Variants in SNX24 observed in about 807,000 individuals in gnomAD.
SNX24 encodes sorting nexin 24, also known as sorting nexin-24.
Under a neutral mutation model 28.7 loss-of-function variants are expected in SNX24, and 22 were observed. The ratio of observed to expected loss-of-function variants is 0.77; its 90% confidence interval spans 0.55 to 1.10. The LOEUF is 1.10. Ranked by LOEUF, SNX24 falls within the 50% of genes least tolerant of loss-of-function variation. The pLI, the probability that SNX24 is intolerant of heterozygous loss-of-function variation, is 0.00. For missense variants in SNX24, 221 were observed against 201.1 expected (o/e 1.10, Z -0.60); for synonymous variants, 69 against 71.5 (o/e 0.96, Z 0.18).
intron 5 of SNX24, among the ~76,000 whole-genome samples, chr5:123,001,654 G>A (rs1762250938): frequency 6.6e-6 from 1 of 152,144 alleles, no homozygotes; most frequent in Non-Finnish European, 1.5e-5. Context: ...TAATCAGAAT[G>A]TTTTATCAAC....
rs368462498 is a variant in SNX24 at position 122,985,665 on chromosome 5, A to G, written c.250-14247A>G. On this transcript the variant is annotated intron_variant, in intron 3 of 6. Coordinates refer to ENST00000261369, the MANE Select transcript of SNX24 (RefSeq NM_014035.4). ...TCTCTAAGTTCTTGCTTCAGCATTC[A>G]TGTGAACTGGGCCTCCAGCTGCTTT... Among the ~76,000 whole-genome samples the G allele has an allele frequency of 3.5e-3, 528 of 152,350 alleles. 3 individuals carry two copies. Among genetic ancestry groups the G allele is most frequent in the Non-Finnish European group, 5.9e-3 (403 of 68,040 alleles).
At chr5:123,018,125 C>T (rs1018741408) in intron 5 of SNX24, among the ~76,000 whole-genome samples, 1 of 151,908 alleles carries the variant, frequency 6.6e-6, no homozygotes, top group African/African-American at 2.4e-5. Flanking sequence ...AAAAGAGCCC[C>T]ACATTGAGTA....
intron 1 of SNX24, among the ~76,000 whole-genome samples, chr5:122,889,624 C>A (rs200246167): frequency 1.8e-5 from 1 of 56,208 alleles, no homozygotes; most frequent in Non-Finnish European, 2.8e-5. Context: ...TATATATATA[C>A]ACATATATAT....
intron 1 of SNX24, among the ~76,000 whole-genome samples, chr5:122,871,914 T>C (rs750447408): frequency 1.3e-5 from 2 of 152,078 alleles, no homozygotes; most frequent in Non-Finnish European, 2.9e-5. Context: ...GTGCAAGTCA[T>C]TTAACTTCCC....
At chr5:122,889,144 T>TG (rs1189611314) in intron 1 of SNX24, among the ~76,000 whole-genome samples, 1 of 152,190 alleles carries the variant, frequency 6.6e-6, no homozygotes, top group African/African-American at 2.4e-5. Context: ...TGAGCTACCG[T>TG]GCCTGGCCAG....
At chr5:122,851,964 C>T (rs972852818) in intron 1 of SNX24, among the ~76,000 whole-genome samples, 6 of 151,768 alleles carry the variant, frequency 4.0e-5, no homozygotes, top group Non-Finnish European at 7.4e-5. Flanking sequence ...TTAATAGCAT[C>T]CAGTTTCTGG....
chr5:123,023,958 G>A (rs188120010), intron 5 of SNX24: 16 of 1,614,044 alleles, frequency 9.9e-6, no homozygotes, highest in East Asian at 6.7e-5. Context: ...GTGAGTGGAC[G>A]GTCATGCCCA....
At chr5:122,999,388 A>G (rs766203514) in intron 3 of SNX24, among the ~76,000 whole-genome samples, 1 of 152,070 alleles carries the variant, frequency 6.6e-6, no homozygotes, top group Non-Finnish European at 1.5e-5. Context: ...AGGGTTCTTG[A>G]CTAAATCTTC....
intron 3 of SNX24, among the ~76,000 whole-genome samples, chr5:122,995,897 A>C (rs1762037741): frequency 6.6e-6 from 1 of 152,178 alleles, no homozygotes; most frequent in Non-Finnish European, 1.5e-5. Flanking sequence ...TGCCCCTCTT[A>C]TAACAGGGGC....
At chr5:122,941,707 G>C (rs916713633) in intron 2 of SNX24, among the ~76,000 whole-genome samples, 5 of 152,032 alleles carry the variant, frequency 3.3e-5, no homozygotes, top group African/African-American at 1.2e-4. Flanking sequence ...TAGAGTCTTG[G>C]GCACATATTA....
At chr5:123,002,635 A>G (rs1016817256) in intron 6 of SNX24, among the ~76,000 whole-genome samples, 1 of 152,258 alleles carries the variant, frequency 6.6e-6, no homozygotes, top group African/African-American at 2.4e-5. Flanking sequence ...CCGTCTCAAA[A>G]AAAAGCCTCT....
At chr5:122,983,750 G>A (rs887488721) in intron 3 of SNX24, among the ~76,000 whole-genome samples, 6 of 148,094 alleles carry the variant, frequency 4.1e-5, no homozygotes, top group East Asian at 3.9e-4. Flanking sequence ...GACTACAGGC[G>A]TGTGCAACCA....
intron 1 of SNX24, among the ~76,000 whole-genome samples, chr5:122,847,222 C>T (rs974145667): frequency 1.3e-5 from 2 of 152,126 alleles, no homozygotes; most frequent in Non-Finnish European, 2.9e-5. Flanking sequence ...TGAAATAGAC[C>T]ATAATTAAGG....
At chr5:122,990,795 T>C (rs1275495582) in intron 3 of SNX24, among the ~76,000 whole-genome samples, 1 of 152,218 alleles carries the variant, frequency 6.6e-6, no homozygotes, top group Non-Finnish European at 1.5e-5. Flanking sequence ...TAAATCTGTT[T>C]TGGTTCGCTT....
chr5:122,877,909 A>G (rs1200528936), intron 1 of SNX24, among the ~76,000 whole-genome samples: 4 of 152,126 alleles, frequency 2.6e-5, no homozygotes, highest in African/African-American at 9.7e-5. Context: ...AGGAGCCCTC[A>G]GGCCATGCTT....
At chr5:122,894,513 T>A (rs1209849306) in intron 1 of SNX24, among the ~76,000 whole-genome samples, 1 of 152,222 alleles carries the variant, frequency 6.6e-6, no homozygotes, top group African/African-American at 2.4e-5. Context: ...AACTTCTTTG[T>A]GTGACTGAAC....
At position 122,918,748 on chromosome 5, in the gene SNX24, A is replaced by G. The variant is rs183356218; in HGVS notation, c.61-17986A>G. 3.4e-3 allele frequency among the ~76,000 whole-genome samples: 512 copies of G among 152,346 alleles called. 3 individuals carry two copies. The highest frequency in any genetic ancestry group is 0.012 in the African/African-American group (488 of 41,586). On this transcript the variant is annotated intron_variant, in intron 1 of 6. Coordinates refer to ENST00000261369, the MANE Select transcript of SNX24 (RefSeq NM_014035.4). ...ACAAAAAAAGAGATGCAGAGAAGTTAGATGGTTTACCAAAGTCACAGAATC... is the reference window on the plus strand; with the variant it reads ...ACAAAAAAAGAGATGCAGAGAAGTTGGATGGTTTACCAAAGTCACAGAATC...
In SNX24 at chr5:123,007,899, A is replaced by G; in HGVS notation, c.*150A>G. On this transcript the variant is annotated 3_prime_UTR_variant, in exon 7 of 7. Transcript: ENST00000261369. ...TCCCAGCTTAATTCAGGGCAGGGAC[A>G]TTTCCATTAGAATGGTGCTCTTAAA... 4.8e-6 allele frequency: 7 copies of G among 1,447,158 alleles called. No homozygotes were observed. The highest frequency in any genetic ancestry group is 6.4e-6 in the Non-Finnish European group (7 of 1,099,494). The allele number at this position is 1,447,158 out of a possible 1,614,324, so 89.6% of individuals were successfully genotyped here.
Position 123,008,231 on chromosome 5 carries a change from C to G in SNX24, c.*482C>G. 3 of 985,610 alleles carry G rather than the reference C, an allele frequency of 3.0e-6. No individual in the cohort carries two copies. The highest frequency in any genetic ancestry group is 3.6e-6 in the Non-Finnish European group (3 of 830,068). The allele number at this position is 985,610 out of a possible 1,614,324, so 61.1% of individuals were successfully genotyped here. ...ATTCTGAAATGCTGGCACCAGGAGA[C>G]GGCCACAGACACACACTGCTAAATG... On this transcript the variant is annotated 3_prime_UTR_variant, in exon 7 of 7. Coordinates refer to ENST00000261369, the MANE Select transcript of SNX24 (RefSeq NM_014035.4).
Sources: allele counts gnomAD v4.1 joint callset (sites outside exome capture counted in the v4.1 genomes callset), GRCh38; gene constraint gnomAD v4.1.1; transcripts MANE v1.5; gene names NCBI Gene and HGNC (gene_info 2026-07-23, HGNC 2026-07-21).